Variants in TANGO6 observed in about 807,000 individuals in gnomAD.
The protein encoded by TANGO6 is transport and golgi organization 6 homolog.
Under a neutral mutation model 114.2 loss-of-function variants are expected in TANGO6, and 90 were observed. That is an observed-to-expected ratio of 0.79 (90% confidence interval 0.66 to 0.94). The LOEUF is 0.94. TANGO6 is among the 40% of genes least tolerant of loss of function. The pLI, the probability that TANGO6 is intolerant of heterozygous loss-of-function variation, is 0.00. For missense variants in TANGO6, 1,274 were observed against 1,315.3 expected (o/e 0.97, Z 0.49); for synonymous variants, 477 against 509.8 (o/e 0.94, Z 0.87).
intron 14 of TANGO6, among the ~76,000 whole-genome samples, chr16:68,934,280 A>C (rs958821668): frequency 5.9e-5 from 9 of 152,084 alleles, no homozygotes; most frequent in Non-Finnish European, 1.2e-4. Context: ...CCTAGACTTA[A>C]GCAATCCTCT....
chr16:68,887,639 G>A (rs761968416), intron 7 of TANGO6, among the ~76,000 whole-genome samples: 1 of 152,156 alleles, frequency 6.6e-6, no homozygotes, highest in Non-Finnish European at 1.5e-5. Flanking sequence ...CGCTTTGGGA[G>A]GCCAAGGCGG....
At chr16:68,892,320 T>C (rs80135048) in intron 7 of TANGO6, among the ~76,000 whole-genome samples, 3,593 of 152,228 alleles carry the variant, frequency 0.024, 99 homozygotes, top group African/African-American at 0.066. Context: ...TGGCTGGATC[T>C]GCGAAAGAAA....
At position 68,900,496 on chromosome 16, in the gene TANGO6, A is replaced by G; in HGVS notation, c.1440A>G (p.Gly480=). Residue 480 remains glycine (G), a synonymous_variant, in exon 8 of 18, where the codon GGA becomes GGG. Coordinates refer to ENST00000261778, the MANE Select transcript of TANGO6 (RefSeq NM_024562.2). The part of the protein sequence containing the change: ...VLMDSLLPVL[G]VLFLLYCFTK... ...TGGATTCCCTGCTTCCAGTCCTGGG[A>G]GTGCTTTTTCTTCTCTACTGTTTTA... is the stretch of plus-strand genomic sequence containing the variant. 1.2e-6 allele frequency: 2 copies of G among 1,613,918 alleles called. No individual in the cohort carries two copies. Among genetic ancestry groups the G allele is most frequent in the Non-Finnish European group, 1.7e-6 (2 of 1,179,862 alleles).
rs1963186005 is a variant in TANGO6, at chr16:68,927,727, G to T, written c.2287G>T (p.Ala763Ser). 1.9e-6 allele frequency: 3 copies of T among 1,613,820 alleles called. No individual in the cohort carries two copies. The highest frequency in any genetic ancestry group is 1.7e-6 in the Non-Finnish European group (2 of 1,179,894). Residue 763 changes from alanine (A) to serine (S), a missense_variant, in exon 13 of 18, where the codon GCC becomes TCC. Coordinates refer to ENST00000261778, the MANE Select transcript of TANGO6 (RefSeq NM_024562.2). ...AFATEAVSMA[A>S]QSTLNRKDLE... Reference sequence around the variant, plus strand: ...TGCCACTGAGGCCGTCAGCATGGCTGCCCAAAGTACACTGAACAGAAAAGA... The same window carrying T: ...TGCCACTGAGGCCGTCAGCATGGCTTCCCAAAGTACACTGAACAGAAAAGA...
At chr16:68,910,763 A>G (rs1195561770) in intron 11 of TANGO6, among the ~76,000 whole-genome samples, 1 of 152,002 alleles carries the variant, frequency 6.6e-6, no homozygotes, top group Non-Finnish European at 1.5e-5. Flanking sequence ...TGCAACCTCC[A>G]CCTCCTGGGT....
At chr16:69,076,771 G>A (rs573571126) in intron 17 of TANGO6, among the ~76,000 whole-genome samples, 77 of 152,194 alleles carry the variant, frequency 5.1e-4, no homozygotes, top group Non-Finnish European at 1.0e-3. Context: ...GTGCTTATGG[G>A]GCACAGTGAA....
intron 17 of TANGO6, among the ~76,000 whole-genome samples, chr16:69,072,589 A>G (rs1023532848): frequency 2.0e-5 from 3 of 152,136 alleles, no homozygotes; most frequent in Non-Finnish European, 4.4e-5. Context: ...GGGAGTCCAG[A>G]GGAAGTCCTA....
At chr16:69,079,809 C>A (rs1236145441) in intron 17 of TANGO6, among the ~76,000 whole-genome samples, 2 of 152,068 alleles carry the variant, frequency 1.3e-5, no homozygotes, top group African/African-American at 2.4e-5. Flanking sequence ...ATTCTTGGAA[C>A]CTCTCTGGCC....
At chr16:68,958,846 G>A (rs1445788320) in intron 14 of TANGO6, among the ~76,000 whole-genome samples, 1 of 152,068 alleles carries the variant, frequency 6.6e-6, no homozygotes, top group Non-Finnish European at 1.5e-5. Flanking sequence ...CCTGAGGCAG[G>A]AGGATCATCT....
rs558724535 is a variant in TANGO6 at position 69,040,480 on chromosome 16, A to G, written c.3108+59A>G. The G allele has an allele frequency of 2.2e-5, 31 of 1,421,402 alleles. No individual in the cohort carries two copies. In the South Asian group the frequency reaches 3.5e-4, roughly 16 times the overall value. 88.0% of individuals were successfully genotyped at this position (1,421,402 alleles called of 1,614,324 possible). On this transcript the variant is annotated intron_variant, in intron 17 of 17. Coordinates refer to ENST00000261778, the MANE Select transcript of TANGO6 (RefSeq NM_024562.2). The stretch of plus-strand genomic sequence containing the variant: ...ACCTCTTTTATTTGTCTATTTCTCA[A>G]TCTTCCTTTTACCAGGGAAGGCCTC...
intron 15 of TANGO6, among the ~76,000 whole-genome samples, chr16:68,985,577 G>A (rs1427005896): frequency 6.6e-6 from 1 of 152,056 alleles, no homozygotes; most frequent in Non-Finnish European, 1.5e-5. Flanking sequence ...TGGGGGTGTG[G>A]TGGCAGGCAC....
At chr16:68,905,068 CAA>C (rs964287256) in intron 9 of TANGO6, among the ~76,000 whole-genome samples, 7 of 151,848 alleles carry the variant, frequency 4.6e-5, no homozygotes, top group Admixed American at 2.0e-4. Context: ...ACTAAAAATA[CAA>C]AATTAGCCGG....
intron 15 of TANGO6, among the ~76,000 whole-genome samples, chr16:68,996,038 G>A (rs1478356531): frequency 6.6e-6 from 1 of 152,140 alleles, no homozygotes; most frequent in Non-Finnish European, 1.5e-5. Flanking sequence ...AGCATTTTAT[G>A]TCTGGGCTGC....
chr16:68,896,056 G>GTCTCA (rs1962699910), intron 7 of TANGO6, among the ~76,000 whole-genome samples: 3 of 151,968 alleles, frequency 2.0e-5, no homozygotes, highest in Non-Finnish European at 4.4e-5. Flanking sequence ...AGGCTGGAGT[G>GTCTCA]CAGTAGCCAT....
At chr16:68,882,886 T>C (rs954957446) in intron 7 of TANGO6, among the ~76,000 whole-genome samples, 2 of 151,908 alleles carry the variant, frequency 1.3e-5, no homozygotes. Flanking sequence ...GACGTTGTGG[T>C]ACGCGCCTGT....
At chr16:69,015,206 A>G (rs1464814651) in intron 15 of TANGO6, among the ~76,000 whole-genome samples, 1 of 152,156 alleles carries the variant, frequency 6.6e-6, no homozygotes, top group Non-Finnish European at 1.5e-5. Flanking sequence ...GATCTAGGCT[A>G]TGTATGTGAG....
At chr16:69,045,443 C>CAAAAAAAAA (rs1389960740) in intron 17 of TANGO6, among the ~76,000 whole-genome samples, 1 of 53,960 alleles carries the variant, frequency 1.9e-5, no homozygotes, top group Non-Finnish European at 3.7e-5. Context: ...GACTCCATCT[C>CAAAAAAAAA]AAAAAAAAAA....
At chr16:68,959,085 ATGTG>A (rs1397680134) in intron 14 of TANGO6, among the ~76,000 whole-genome samples, 2 of 152,148 alleles carry the variant, frequency 1.3e-5, no homozygotes, top group African/African-American at 4.8e-5. Context: ...CAGAGTGTTT[ATGTG>A]TGTATTTTCA....
At chr16:68,992,778 C>T (rs1384036709) in intron 15 of TANGO6, among the ~76,000 whole-genome samples, 5 of 152,016 alleles carry the variant, frequency 3.3e-5, no homozygotes, top group Admixed American at 2.6e-4. Context: ...GTTAAAAAAG[C>T]AGAAATCTGG....
Sources: allele counts gnomAD v4.1 joint callset (sites outside exome capture counted in the v4.1 genomes callset), GRCh38; gene constraint gnomAD v4.1.1; transcripts MANE v1.5; gene names NCBI Gene and HGNC (gene_info 2026-07-23, HGNC 2026-07-21).